NRG2: variants seen among roughly 807,000 people sequenced by gnomAD.
The protein encoded by NRG2 is pro-neuregulin-2, membrane-bound isoform.
In NRG2, 27 loss-of-function variants were observed where a neutral mutation model predicts 73.9. That is an observed-to-expected ratio of 0.37 (90% CI 0.27 to 0.50). NRG2 has a LOEUF of 0.50. Ranked by LOEUF, NRG2 falls within the 20% of genes least tolerant of loss-of-function variation. The pLI is 0.96. For synonymous variants in NRG2, 532 were observed against 541.0 expected (o/e 0.98, Z 0.23); for missense variants, 1,126 against 1,210.1 (o/e 0.93, Z 1.03).
At chr5:139,889,953 CTAT>C (rs553993829) in intron 1 of NRG2, among the ~76,000 whole-genome samples, 2 of 152,054 alleles carry the variant, frequency 1.3e-5, no homozygotes, top group Non-Finnish European at 2.9e-5. Flanking sequence ...CAAAGGTTAG[CTAT>C]TATTATTATT....
intron 1 of NRG2, among the ~76,000 whole-genome samples, chr5:139,942,093 T>G (rs1313487698): frequency 6.6e-6 from 1 of 152,214 alleles, no homozygotes; most frequent in Non-Finnish European, 1.5e-5. Flanking sequence ...AATATCAATG[T>G]CAGCTCTGAG....
rs1762598365 is a variant in NRG2, at chr5:139,868,020, A to T, written c.1113-2395T>A. The stretch of plus-strand genomic sequence containing the variant: ...CCTGGACTATCCTGACTACAGACTT[A>T]CATCTTTCATGGCCGCTGAGTTGCA... On this transcript the variant is annotated intron_variant, in intron 4 of 9. Transcript: ENST00000361474. The surrounding 1 kb of genome is among the most constrained non-coding windows in gnomAD (Gnocchi z 4.2). Among the ~76,000 whole-genome samples, 1 of 152,100 alleles carries T rather than the reference A, an allele frequency of 6.6e-6. No individual in the cohort carries two copies.
chr5:139,872,720 G>A (rs1042786341), intron 3 of NRG2, among the ~76,000 whole-genome samples: 16 of 152,312 alleles, frequency 1.1e-4, no homozygotes, highest in Middle Eastern at 6.8e-3. Flanking sequence ...CAGACTGCAC[G>A]TCCGATTGAC....
intron 1 of NRG2, among the ~76,000 whole-genome samples, chr5:140,027,679 G>A (rs1760807667): frequency 6.6e-6 from 1 of 152,130 alleles, no homozygotes; most frequent in Non-Finnish European, 1.5e-5. Flanking sequence ...TTTATCATAT[G>A]TATGTATGTG....
chr5:139,967,974 A>AAAATAAATAAATAAATAAATAAAT (rs58017535), intron 1 of NRG2, among the ~76,000 whole-genome samples: 1 of 144,420 alleles, frequency 6.9e-6, no homozygotes, highest in African/African-American at 2.6e-5. Context: ...ATAAAACATA[A>AAAATAAATAAATAAATAAATAAAT]AAATAAATAA....
At chr5:140,026,444 T>A (rs774366155) in intron 1 of NRG2, among the ~76,000 whole-genome samples, 13 of 152,030 alleles carry the variant, frequency 8.6e-5, no homozygotes, top group Admixed American at 6.6e-5. Context: ...GATGTAAGTA[T>A]CCAACTAGAA....
intron 1 of NRG2, among the ~76,000 whole-genome samples, chr5:139,948,414 C>G (rs1024085060): frequency 6.6e-6 from 1 of 152,168 alleles, no homozygotes; most frequent in Non-Finnish European, 1.5e-5. Flanking sequence ...TTCTCCCACA[C>G]AGAGGTCCGC....
chr5:139,987,526 T>A (rs180905636), intron 1 of NRG2, among the ~76,000 whole-genome samples: 99 of 152,250 alleles, frequency 6.5e-4, no homozygotes, highest in African/African-American at 2.3e-3. Context: ...AGCCAGAGAC[T>A]GCTGAGTAAC....
intron 2 of NRG2, among the ~76,000 whole-genome samples, chr5:139,883,169 T>C (rs1763642628): frequency 6.6e-6 from 1 of 152,070 alleles, no homozygotes; most frequent in Non-Finnish European, 1.5e-5. Context: ...CGTGCTGTGC[T>C]CTGCTCCTGG....
At chr5:139,938,304 G>A (rs2126407318) in intron 1 of NRG2, among the ~76,000 whole-genome samples, 1 of 151,954 alleles carries the variant, frequency 6.6e-6, no homozygotes, top group South Asian at 2.1e-4. Context: ...ACCCAGAATA[G>A]CCAAAAGCAA....
rs760169888 is a variant in NRG2, at chr5:139,859,921, GC to G, written c.1190-4144del. The G allele has an allele frequency of 1.2e-4, 198 of 1,598,824 alleles. No homozygotes were observed. The East Asian group carries it at 4.4e-3, about 35-fold the overall frequency. ...TTCAAATCCAAGGTGCTCTGGCAGT[GC>G]AGAAGAGCGAGGGTCACAAAGGGAG... On this transcript the variant is annotated intron_variant, in intron 5 of 9. Coordinates refer to ENST00000361474, the MANE Select transcript of NRG2 (RefSeq NM_004883.3).
intron 1 of NRG2, among the ~76,000 whole-genome samples, chr5:139,913,001 C>T (rs560757563): frequency 3.9e-4 from 60 of 152,184 alleles, no homozygotes; most frequent in Non-Finnish European, 7.3e-4. Context: ...CTCTGCCAGC[C>T]TCCCTCCCAC....
At chr5:139,897,926 G>A (rs984831754) in intron 1 of NRG2, among the ~76,000 whole-genome samples, 1 of 152,316 alleles carries the variant, frequency 6.6e-6, no homozygotes, top group Non-Finnish European at 1.5e-5. Context: ...AAGCTCAACT[G>A]GGGCAGCCTC....
At chr5:140,004,556 G>A (rs1758743672) in intron 1 of NRG2, among the ~76,000 whole-genome samples, 1 of 152,110 alleles carries the variant, frequency 6.6e-6, no homozygotes, top group South Asian at 2.1e-4. Flanking sequence ...TCACCAAAAA[G>A]GCATAAGTTC....
In NRG2 at chr5:139,954,232, G is replaced by A. The variant is rs188296945; in HGVS notation, c.701-66721C>T. Reference sequence around the variant, plus strand: ...AGAAATCCAGCCCAACCCAGGTCACGGTCACAGCCCTGAGCAGCCAGCAGC... The same window carrying A: ...AGAAATCCAGCCCAACCCAGGTCACAGTCACAGCCCTGAGCAGCCAGCAGC... On this transcript the variant is annotated intron_variant, in intron 1 of 9. Coordinates refer to ENST00000361474, the MANE Select transcript of NRG2 (RefSeq NM_004883.3). This position sits in a 1 kb window ranked among gnomAD's most constrained non-coding sequence, Gnocchi z 5.0. Among the ~76,000 whole-genome samples, 2 of 152,152 alleles carry A rather than the reference G, an allele frequency of 1.3e-5. No individual in the cohort carries two copies. Among genetic ancestry groups the A allele is most frequent in the African/African-American group, 2.4e-5 (1 of 41,426 alleles).
intron 1 of NRG2, among the ~76,000 whole-genome samples, chr5:139,911,816 A>G (rs1277800148): frequency 1.3e-5 from 2 of 152,236 alleles, no homozygotes; most frequent in African/African-American, 4.8e-5. Flanking sequence ...AGCTAACTAC[A>G]TAATTGCACA....
At chr5:140,017,387 C>T (rs1315077333) in intron 1 of NRG2, among the ~76,000 whole-genome samples, 1 of 152,018 alleles carries the variant, frequency 6.6e-6, no homozygotes, top group Non-Finnish European at 1.5e-5. Context: ...GAAAAGGTCT[C>T]CAACTACAGA....
At chr5:140,039,813 A>G (rs952952529) in intron 1 of NRG2, among the ~76,000 whole-genome samples, 2 of 152,226 alleles carry the variant, frequency 1.3e-5, no homozygotes, top group African/African-American at 4.8e-5. Flanking sequence ...CAGTTGCTCA[A>G]TGTAACGGCC....
rs1762712431 is a variant in NRG2 at position 139,869,758 on chromosome 5, T to G, written c.1112+1963A>C. 2 of 152,302 alleles carry G rather than the reference T, an allele frequency of 1.3e-5. No homozygotes were observed. Among genetic ancestry groups the G allele is most frequent in the Admixed American group, 6.5e-5 (1 of 15,274 alleles). The allele number at this position is 152,302 out of a possible 1,614,324, so 9.4% of individuals were successfully genotyped here. A position where few individuals can be genotyped will look rare whatever the true frequency, so the allele number is the denominator to read the frequency against. The stretch of plus-strand genomic sequence containing the variant: ...AACAGGGCACCATCTTCACAATGGC[T>G]CAGGCTCCTGCCTCTGCTCCTCTCA... On this transcript the variant is annotated intron_variant, in intron 4 of 9. Coordinates refer to ENST00000361474, the MANE Select transcript of NRG2 (RefSeq NM_004883.3). This position sits in a 1 kb window ranked among gnomAD's most constrained non-coding sequence, Gnocchi z 4.5.
Sources: gnomAD v4.1 joint callset for allele counts (sites outside exome capture counted in the v4.1 genomes callset) on GRCh38, gnomAD v4.1.1 for gene constraint, Gnocchi (gnomAD v3.1) non-coding constraint, MANE v1.5 for transcripts, NCBI Gene and HGNC (gene_info 2026-07-23, HGNC 2026-07-21) for gene names.